Variants in SLC39A11 observed in about 807,000 individuals in gnomAD.
SLC39A11 encodes solute carrier family 39 member 11.
SLC39A11 carries 33 observed loss-of-function variants against 36.1 expected under a neutral mutation model. That is an observed-to-expected ratio of 0.91 (90% CI 0.69 to 1.22). The LOEUF (loss-of-function observed/expected upper bound fraction) is 1.22, where lower values mean the gene tolerates loss of function less well. Ranked by LOEUF, SLC39A11 falls within the 50% of genes most tolerant of loss-of-function variation. The pLI is 0.00. For synonymous variants in SLC39A11, 166 were observed against 170.3 expected, an observed-to-expected ratio of 0.97 and a Z score of 0.20; for missense variants, 432 against 430.3, an observed-to-expected ratio of 1.00 and a Z score of -0.03.
At position 72,647,400 on chromosome 17, in the gene SLC39A11, C is replaced by A. The variant is rs998394198; in HGVS notation, c.*184G>T. On this transcript the variant is annotated 3_prime_UTR_variant, in exon 10 of 10. Coordinates refer to ENST00000255559, the MANE Select transcript of SLC39A11 (RefSeq NM_139177.4). Reference sequence around the variant, plus strand: ...GACACCTTAAAATTCCCCATTAAATCAAAAATCTCCCTCAAAGCAAAGTAA... The same window carrying A: ...GACACCTTAAAATTCCCCATTAAATAAAAAATCTCCCTCAAAGCAAAGTAA... 2 of 443,784 alleles carry A rather than the reference C, an allele frequency of 4.5e-6. No homozygotes were observed. Among genetic ancestry groups the A allele is most frequent in the South Asian group, 4.4e-5 (1 of 22,536 alleles). The allele number at this position is 443,784 out of a possible 1,614,324, so 27.5% of individuals were successfully genotyped here.
At chr17:72,802,144 G>A (rs1346746612) in intron 6 of SLC39A11, among the ~76,000 whole-genome samples, 1 of 152,134 alleles carries the variant, frequency 6.6e-6, no homozygotes. Flanking sequence ...ATATCTCCGG[G>A]GTACGGCAAA....
chr17:72,670,633 C>T (rs2070983810), intron 7 of SLC39A11, among the ~76,000 whole-genome samples: 1 of 152,166 alleles, frequency 6.6e-6, no homozygotes, highest in Non-Finnish European at 1.5e-5. Flanking sequence ...GGATCATAAT[C>T]CACTACTATC....
chr17:72,853,687 G>A (rs1170888756), intron 5 of SLC39A11, among the ~76,000 whole-genome samples: 1 of 152,144 alleles, frequency 6.6e-6, no homozygotes, highest in Non-Finnish European at 1.5e-5. Flanking sequence ...TCACGTCCTT[G>A]TGAAAGTTAA....
intron 6 of SLC39A11, among the ~76,000 whole-genome samples, chr17:72,827,167 C>G (rs1349783256): frequency 6.6e-6 from 1 of 152,030 alleles, no homozygotes; most frequent in Non-Finnish European, 1.5e-5. Flanking sequence ...TATTTGACAA[C>G]AAAAGGAAAT....
At chr17:73,049,750 C>T (rs1202078711) in intron 3 of SLC39A11, among the ~76,000 whole-genome samples, 1 of 152,186 alleles carries the variant, frequency 6.6e-6, no homozygotes, top group African/African-American at 2.4e-5. Flanking sequence ...GGGGCTTCCA[C>T]TCCAGTAAGA....
chr17:72,661,595 G>C (rs1293126363), intron 7 of SLC39A11, among the ~76,000 whole-genome samples: 6 of 152,178 alleles, frequency 3.9e-5, no homozygotes, highest in Non-Finnish European at 8.8e-5. Flanking sequence ...TTCAGGCCTG[G>C]AGATGACATC....
At chr17:72,742,194 C>A (rs1423213367) in intron 6 of SLC39A11, among the ~76,000 whole-genome samples, 1 of 63,990 alleles carries the variant, frequency 1.6e-5, no homozygotes, top group East Asian at 2.3e-4. Flanking sequence ...CAGTGTGAGA[C>A]TCCATCTCAA....
At position 73,031,714 on chromosome 17, in the gene SLC39A11, C is replaced by T; in HGVS notation, c.148G>A (p.Val50Ile). 1 of 1,612,968 alleles carries T rather than the reference C, an allele frequency of 6.2e-7. No individual in the cohort carries two copies. The highest frequency in any genetic ancestry group is 2.2e-5 in the East Asian group (1 of 44,872). The change falls in exon 4 of 10, where the codon GTC (valine) becomes ATC (isoleucine). Residue 50 changes from valine to isoleucine, a missense_variant and splice_region_variant. Coordinates refer to ENST00000255559, the MANE Select transcript of SLC39A11 (RefSeq NM_139177.4). ...LDGSLGFAAG[V>I]MLAASYWSLL... ...GACCAATAGGAAGCTGCCAACATGA[C>T]CTACAAAAACCACAACGAGAGATAA...
At chr17:72,773,225 A>G (rs1482114936) in intron 6 of SLC39A11, among the ~76,000 whole-genome samples, 1 of 152,264 alleles carries the variant, frequency 6.6e-6, no homozygotes, top group African/African-American at 2.4e-5. Context: ...GTTTAGCCAC[A>G]GCCTGGTTCA....
chr17:73,002,917 C>T (rs1453917190), intron 4 of SLC39A11, among the ~76,000 whole-genome samples: 1 of 152,150 alleles, frequency 6.6e-6, no homozygotes, highest in East Asian at 1.9e-4. Context: ...TGTTCAAATC[C>T]CCCTCTGCCT....
chr17:72,795,025 C>G (rs1467829224), intron 6 of SLC39A11, among the ~76,000 whole-genome samples: 20 of 152,070 alleles, frequency 1.3e-4, no homozygotes, highest in Admixed American at 1.3e-3. Flanking sequence ...AAGTTATCAG[C>G]CCAAAGTGAA....
intron 5 of SLC39A11, among the ~76,000 whole-genome samples, chr17:72,851,029 C>G (rs11653124): frequency 0.067 from 10,221 of 151,726 alleles, 441 homozygotes; most frequent in African/African-American, 0.12. Flanking sequence ...ACGAGGGAAG[C>G]GGCTGGACAG....
At chr17:72,659,994 G>A (rs545588441) in intron 7 of SLC39A11, among the ~76,000 whole-genome samples, 3 of 152,254 alleles carry the variant, frequency 2.0e-5, no homozygotes, top group African/African-American at 4.8e-5. Context: ...TTCCAAGGCC[G>A]GAGTGCGAAG....
chr17:72,949,594 T>C (rs2085717423), intron 4 of SLC39A11, among the ~76,000 whole-genome samples: 1 of 151,886 alleles, frequency 6.6e-6, no homozygotes, highest in Non-Finnish European at 1.5e-5. Flanking sequence ...GAAGGGGCAA[T>C]GGGTCTCTTT....
At position 72,687,533 on chromosome 17, in the gene SLC39A11, G is replaced by A. The variant is rs117468861; in HGVS notation, c.672-38265C>T. On this transcript the variant is annotated intron_variant, in intron 7 of 9. Transcript: ENST00000255559. Reference sequence around the variant, plus strand: ...GCTGGGATTACAGGCGTGAGCCACCGCGCCTGGCCAGGAGCATAATATTGA... The same window carrying A: ...GCTGGGATTACAGGCGTGAGCCACCACGCCTGGCCAGGAGCATAATATTGA... Among the ~76,000 whole-genome samples, 160 of 152,292 alleles carry A rather than the reference G, an allele frequency of 1.1e-3. 3 individuals are homozygous for A. In the East Asian group the frequency reaches 0.025, roughly 24 times the overall value.
intron 5 of SLC39A11, among the ~76,000 whole-genome samples, chr17:72,911,343 C>T (rs531870499): frequency 6.6e-6 from 1 of 151,820 alleles, no homozygotes; most frequent in South Asian, 2.1e-4. Context: ...GTGCAGCACA[C>T]CAACACGGCA....
At chr17:72,653,067 T>C (rs1567907001) in intron 7 of SLC39A11, among the ~76,000 whole-genome samples, 1 of 151,272 alleles carries the variant, frequency 6.6e-6, no homozygotes, top group Non-Finnish European at 1.5e-5. Context: ...GGCATTCTGA[T>C]GAGCCTGGTG....
chr17:73,059,054 T>C (rs1337562869), intron 3 of SLC39A11, among the ~76,000 whole-genome samples: 1 of 152,226 alleles, frequency 6.6e-6, no homozygotes, highest in East Asian at 1.9e-4. Flanking sequence ...AATTTGGAAT[T>C]TTAAAGTAAT....
intron 3 of SLC39A11, among the ~76,000 whole-genome samples, chr17:73,055,859 G>A (rs1048911065): frequency 6.6e-6 from 1 of 152,180 alleles, no homozygotes; most frequent in African/African-American, 2.4e-5. Context: ...GGCTATCTCT[G>A]TGCAGCCCTT....
Sources: allele counts gnomAD v4.1 joint callset (sites outside exome capture counted in the v4.1 genomes callset), GRCh38; gene constraint gnomAD v4.1.1; transcripts MANE v1.5; gene names NCBI Gene and HGNC (gene_info 2026-07-23, HGNC 2026-07-21).